The following RBFOX1 variants were observed in gnomAD, a reference collection of about 807,000 sequenced individuals.
RBFOX1 encodes the protein RNA binding fox-1 homolog 1, also known as RNA binding protein fox-1 homolog 1.
Under a neutral mutation model 57.7 loss-of-function variants are expected in RBFOX1, and 8 were observed. That is an observed-to-expected ratio of 0.14 (90% CI 0.08 to 0.25). The LOEUF is 0.25. RBFOX1 is among the 10% of genes least tolerant of loss of function. The pLI, the probability that RBFOX1 is intolerant of heterozygous loss-of-function variation, is 1.00. For synonymous variants in RBFOX1, 326 were observed against 222.4 expected (o/e 1.47, Z -4.15); for missense variants, 611 against 548.5 (o/e 1.11, Z -1.14).
intron 4 of RBFOX1, among the ~76,000 whole-genome samples, chr16:7,093,215 G>C (rs1045727246): frequency 6.6e-6 from 1 of 152,158 alleles, no homozygotes; most frequent in Non-Finnish European, 1.5e-5. Context: ...ATCTCAGTTA[G>C]GGGGCTGAGA....
intron 4 of RBFOX1, among the ~76,000 whole-genome samples, chr16:7,102,169 A>G (rs2127063): frequency 0.38 from 57,141 of 152,048 alleles, 11,117 homozygotes; most frequent in Non-Finnish European, 0.42. Context: ...ACTCACACTC[A>G]TCGGATTCCA....
Position 6,537,026 on chromosome 16 carries a change from G to A in RBFOX1, c.-63-117577G>A, listed in dbSNP as rs186908787. 4.6e-4 allele frequency among the ~76,000 whole-genome samples: 70 copies of A among 152,224 alleles called. No individual in the cohort carries two copies. The Middle Eastern group carries it at 0.017, about 37-fold the overall frequency. The stretch of plus-strand genomic sequence containing the variant: ...AAAGAAACCAAATGTACAGTCCTAC[G>A]TACGGTAGGAAGAATAGCTATAGCT... On this transcript the variant is annotated intron_variant, in intron 2 of 15. Coordinates refer to ENST00000550418, the MANE Select transcript of RBFOX1 (RefSeq NM_018723.4).
intron 1 of RBFOX1, among the ~76,000 whole-genome samples, chr16:6,315,914 C>T (rs1216012086): frequency 6.6e-6 from 1 of 152,116 alleles, no homozygotes; most frequent in Admixed American, 6.6e-5. Context: ...ATGTCATCTT[C>T]ATTTATATGT....
At position 5,355,936 on chromosome 16, in the gene RBFOX1, C is replaced by T. The variant is rs576703607; in HGVS notation, c.220-111280C>T. Among the ~76,000 whole-genome samples the T allele has an allele frequency of 2.6e-5, 4 of 152,228 alleles. No homozygotes were observed. In the East Asian group the frequency reaches 7.7e-4, roughly 29 times the overall value. ...CTAAACCCCGTATCTACAAAAAATA[C>T]AAAAATTAGCTGGGCATGGTGGCCC... On this transcript the variant is annotated intron_variant, in intron 1 of 2. Coordinates refer to the RBFOX1 transcript ENST00000585867.
intron 3 of RBFOX1, among the ~76,000 whole-genome samples, chr16:5,866,999 A>G (rs1406939921): frequency 1.3e-5 from 2 of 152,206 alleles, no homozygotes; most frequent in East Asian, 3.8e-4. Context: ...TTTAATCATT[A>G]TCAGTACATG....
chr16:5,408,073 A>C (rs538056524), intron 1 of RBFOX1, among the ~76,000 whole-genome samples: 1 of 147,756 alleles, frequency 6.8e-6, no homozygotes, highest in South Asian at 2.2e-4. Context: ...TCGGTTGCTT[A>C]TTTAAAGGTA....
At chr16:6,151,200 G>T (rs2096795039) in intron 1 of RBFOX1, among the ~76,000 whole-genome samples, 1 of 152,128 alleles carries the variant, frequency 6.6e-6, no homozygotes, top group Non-Finnish European at 1.5e-5. Context: ...TATTTGGGGT[G>T]TTCTCCCAAG....
At chr16:7,435,626 A>G (rs1384206043) in intron 4 of RBFOX1, among the ~76,000 whole-genome samples, 1 of 152,202 alleles carries the variant, frequency 6.6e-6, no homozygotes, top group Admixed American at 6.5e-5. Flanking sequence ...TGCAAGATGA[A>G]CTATTGCAAG....
intron 1 of RBFOX1, among the ~76,000 whole-genome samples, chr16:5,404,295 C>T (rs1323488238): frequency 6.6e-6 from 1 of 152,150 alleles, no homozygotes; most frequent in Non-Finnish European, 1.5e-5. Flanking sequence ...TACATTTGCA[C>T]ACCTTTTAAA....
chr16:7,420,241 A>G (rs1015379650), intron 4 of RBFOX1, among the ~76,000 whole-genome samples: 2 of 152,114 alleles, frequency 1.3e-5, no homozygotes, highest in South Asian at 4.1e-4. Flanking sequence ...TTCTCAGCAG[A>G]TTGTAAATAG....
At chr16:5,629,685 C>T (rs2048444066) in intron 3 of RBFOX1, among the ~76,000 whole-genome samples, 2 of 152,290 alleles carry the variant, frequency 1.3e-5, no homozygotes, top group Non-Finnish European at 2.9e-5. Flanking sequence ...TTTTTATGTG[C>T]TTACCTCCCT....
chr16:5,572,297 T>C (rs1036339699), intron 2 of RBFOX1, among the ~76,000 whole-genome samples: 1 of 152,202 alleles, frequency 6.6e-6, no homozygotes, highest in Non-Finnish European at 1.5e-5. Flanking sequence ...ACAGTATTTA[T>C]TGAGTGCATA....
intron 4 of RBFOX1, among the ~76,000 whole-genome samples, chr16:7,136,516 C>G (rs976619230): frequency 1.4e-5 from 2 of 144,522 alleles, no homozygotes; most frequent in Admixed American, 7.4e-5. Context: ...AAGTGATTTT[C>G]TAACCTCATC....
At chr16:6,204,508 A>G (rs1165236645) in intron 1 of RBFOX1, among the ~76,000 whole-genome samples, 2 of 152,150 alleles carry the variant, frequency 1.3e-5, no homozygotes, top group East Asian at 3.9e-4. Flanking sequence ...ACAAAAATAG[A>G]CTGAATTATT....
chr16:7,063,180 A>G (rs1477907363), intron 4 of RBFOX1, among the ~76,000 whole-genome samples: 1 of 151,882 alleles, frequency 6.6e-6, no homozygotes, highest in Non-Finnish European at 1.5e-5. Flanking sequence ...GCTTACCTGA[A>G]TTTGTACATC....
chr16:5,415,416 G>A (rs570073112), intron 1 of RBFOX1, among the ~76,000 whole-genome samples: 1 of 152,306 alleles, frequency 6.6e-6, no homozygotes, highest in African/African-American at 2.4e-5. Flanking sequence ...TCTGACACGT[G>A]AGGATTACAA....
intron 2 of RBFOX1, among the ~76,000 whole-genome samples, chr16:6,480,578 C>T (rs961344255): frequency 6.6e-6 from 1 of 152,262 alleles, no homozygotes; most frequent in South Asian, 2.1e-4. Context: ...CAGAGAATGG[C>T]TGAGTTTGAT....
At chr16:7,088,616 T>C (rs1217465544) in intron 4 of RBFOX1, among the ~76,000 whole-genome samples, 1 of 152,212 alleles carries the variant, frequency 6.6e-6, no homozygotes, top group Admixed American at 6.5e-5. Flanking sequence ...TTACAATATT[T>C]AACTCTTGAA....
intron 3 of RBFOX1, among the ~76,000 whole-genome samples, chr16:6,953,726 A>G (rs1444487606): frequency 3.3e-5 from 5 of 152,184 alleles, no homozygotes; most frequent in Admixed American, 2.6e-4. Flanking sequence ...ACATATAAAT[A>G]TACATATTTT....
Sources: gnomAD v4.1 joint callset for allele counts (sites outside exome capture counted in the v4.1 genomes callset) on GRCh38, gnomAD v4.1.1 for gene constraint, MANE v1.5 for transcripts, NCBI Gene and HGNC (gene_info 2026-07-23, HGNC 2026-07-21) for gene names.